SGCD: variants seen among roughly 807,000 people sequenced by gnomAD.
The protein encoded by SGCD is delta-sarcoglycan.
Under a neutral mutation model 36.6 loss-of-function variants are expected in SGCD, and 18 were observed. The ratio of observed to expected loss-of-function variants is 0.49; its 90% CI spans 0.34 to 0.73. SGCD has a LOEUF of 0.73. Among genes scored for constraint, SGCD ranks in the 30% least tolerant of loss-of-function variants. The pLI, the probability that SGCD is intolerant of heterozygous loss-of-function variation, is 0.01. For missense variants in SGCD, 387 were observed against 346.7 expected, an observed-to-expected ratio of 1.12 and a Z score of -0.92; for synonymous variants, 133 against 130.6, an observed-to-expected ratio of 1.02 and a Z score of -0.12.
chr5:156,035,424 A>T (rs142239333), intron 1 of SGCD, among the ~76,000 whole-genome samples: 621 of 152,210 alleles, frequency 4.1e-3, no homozygotes, highest in Non-Finnish European at 6.9e-3. Context: ...TGGGCAACGT[A>T]GCGAAACCCT....
At chr5:156,626,853 T>A (rs1032363177) in intron 6 of SGCD, among the ~76,000 whole-genome samples, 1 of 152,190 alleles carries the variant, frequency 6.6e-6, no homozygotes, top group African/African-American at 2.4e-5. Context: ...GCAGCTCTTC[T>A]TGGGGCAAAG....
chr5:155,860,598 G>T, the SGCD span, among the ~76,000 whole-genome samples: 2 of 152,142 alleles, frequency 1.3e-5, no homozygotes, highest in African/African-American at 2.4e-5. Context: ...TGAATTTCAG[G>T]TGTGCCTCTG....
At chr5:156,220,205 A>G (rs1764683401) in intron 3 of SGCD, among the ~76,000 whole-genome samples, 1 of 152,102 alleles carries the variant, frequency 6.6e-6, no homozygotes, top group Non-Finnish European at 1.5e-5. Context: ...GCAAAGTGCT[A>G]CCTTTATTAA....
intron 3 of SGCD, among the ~76,000 whole-genome samples, chr5:156,476,761 C>A (rs1755199631): frequency 6.6e-6 from 1 of 152,192 alleles, no homozygotes; most frequent in African/African-American, 2.4e-5. Flanking sequence ...CCCATCCAGG[C>A]TGCTTCAGTT....
At chr5:156,563,839 CA>C (rs1168385352) in intron 4 of SGCD, among the ~76,000 whole-genome samples, 6 of 151,778 alleles carry the variant, frequency 4.0e-5, no homozygotes, top group Non-Finnish European at 8.8e-5. Context: ...CAGTTACATA[CA>C]ATGCCTAATG....
chr5:156,202,038 A>G (rs1278474494), intron 3 of SGCD, among the ~76,000 whole-genome samples: 2 of 152,142 alleles, frequency 1.3e-5, no homozygotes, highest in East Asian at 3.9e-4. Context: ...TGAATTGCGA[A>G]TGAGTATTCA....
At position 156,594,923 on chromosome 5, in the gene SGCD, A is replaced by T. The variant is rs995515938; in HGVS notation, c.383-9A>T. 2 of 1,576,014 alleles carry T rather than the reference A, an allele frequency of 1.3e-6. No homozygotes were observed. The highest frequency in any genetic ancestry group is 1.7e-6 in the Non-Finnish European group (2 of 1,150,280). On this transcript the variant is annotated splice_polypyrimidine_tract_variant and intron_variant, in intron 5 of 8. Transcript: ENST00000337851. Reference sequence around the variant, plus strand: ...CCTCTCTATCTCTCTATCTCTCTATATCTCTCAGGTCCAAAAGCCGTAGAA... The same window carrying T: ...CCTCTCTATCTCTCTATCTCTCTATTTCTCTCAGGTCCAAAAGCCGTAGAA...
chr5:156,060,183 A>G (rs952963396), intron 1 of SGCD, among the ~76,000 whole-genome samples: 1 of 146,470 alleles, frequency 6.8e-6, no homozygotes, highest in African/African-American at 2.5e-5. Flanking sequence ...ATCCTGTCCT[A>G]TAAGGTGTGC....
At chr5:156,470,037 A>T (rs1321737131) in intron 3 of SGCD, among the ~76,000 whole-genome samples, 1 of 152,232 alleles carries the variant, frequency 6.6e-6, no homozygotes, top group Non-Finnish European at 1.5e-5. Flanking sequence ...ACTGAGAAAT[A>T]TGTATACATT....
At chr5:156,314,869 G>C (rs908620388) in intron 3 of SGCD, among the ~76,000 whole-genome samples, 5 of 151,966 alleles carry the variant, frequency 3.3e-5, no homozygotes, top group Admixed American at 6.6e-5. Context: ...ATATTAGTAA[G>C]ACTACGGATT....
intron 3 of SGCD, among the ~76,000 whole-genome samples, chr5:156,356,626 T>C (rs947657646): frequency 6.6e-6 from 1 of 152,076 alleles, no homozygotes; most frequent in Non-Finnish European, 1.5e-5. Flanking sequence ...ATTGCAAAGT[T>C]CTAGAGGAGT....
At chr5:156,002,816 A>C (rs1038851213) in intron 1 of SGCD, among the ~76,000 whole-genome samples, 2 of 152,242 alleles carry the variant, frequency 1.3e-5, no homozygotes, top group African/African-American at 4.8e-5. Context: ...CCAGAGGAGC[A>C]ACCCTTGAAT....
At chr5:156,167,934 G>C (rs1763251955) in intron 3 of SGCD, among the ~76,000 whole-genome samples, 1 of 152,150 alleles carries the variant, frequency 6.6e-6, no homozygotes. Context: ...TGATTTCAGG[G>C]AGGCAATAAG....
chr5:156,601,363 AT>A (rs201058802), intron 6 of SGCD, among the ~76,000 whole-genome samples: 1,581 of 152,104 alleles, frequency 0.01, 119 homozygotes, highest in Admixed American at 0.095. Context: ...TGGATATCCA[AT>A]TTTCTGGCAC....
chr5:156,371,437 A>G (rs1277769043), intron 3 of SGCD, among the ~76,000 whole-genome samples: 5 of 152,108 alleles, frequency 3.3e-5, no homozygotes, highest in African/African-American at 1.2e-4. Flanking sequence ...AAGGAGAAAA[A>G]ATTGTAAGTC....
chr5:156,714,831 A>AT (rs941207792), intron 7 of SGCD, among the ~76,000 whole-genome samples: 84 of 152,038 alleles, frequency 5.5e-4, no homozygotes, highest in African/African-American at 1.8e-3. Context: ...CAAATCTTTT[A>AT]TTTTTTTTAA....
At chr5:156,088,401 G>C (rs1761155508) in intron 1 of SGCD, among the ~76,000 whole-genome samples, 1 of 152,080 alleles carries the variant, frequency 6.6e-6, no homozygotes, top group African/African-American at 2.4e-5. Context: ...CTATTCCCCT[G>C]TCCACTACTT....
chr5:156,469,311 T>A (rs1754854610), intron 3 of SGCD, among the ~76,000 whole-genome samples: 1 of 152,228 alleles, frequency 6.6e-6, no homozygotes, highest in Non-Finnish European at 1.5e-5. Flanking sequence ...ATCGTGTTAT[T>A]AAACAGTCCA....
chr5:155,844,421 T>TTTTGTG, the SGCD span, among the ~76,000 whole-genome samples: 1 of 144,498 alleles, frequency 6.9e-6, no homozygotes, highest in Non-Finnish European at 1.5e-5. Flanking sequence ...TGCTAAGGCT[T>TTTTGTG]TGTGTGTGTG....
Sources: gnomAD v4.1 joint callset for allele counts (sites outside exome capture counted in the v4.1 genomes callset) on GRCh38, gnomAD v4.1.1 for gene constraint, MANE v1.5 for transcripts, NCBI Gene and HGNC (gene_info 2026-07-23, HGNC 2026-07-21) for gene names.